CNGA1: variants seen among roughly 807,000 people sequenced by gnomAD.
CNGA1 encodes cyclic nucleotide-gated channel alpha-1.
A neutral mutation model predicts 69.7 loss-of-function variants in CNGA1; 53 were observed. The ratio of observed to expected loss-of-function variants is 0.76; its 90% CI spans 0.61 to 0.96. The LOEUF is 0.96. Among genes scored for constraint, CNGA1 ranks in the 40% least tolerant of loss-of-function variants. The probability of loss-of-function intolerance (pLI) is 0.00; values close to 1 mark genes in which losing one functional copy is unlikely to be tolerated. For synonymous variants in CNGA1, 249 were observed against 283.5 expected, an observed-to-expected ratio of 0.88 and a Z score of 1.22; for missense variants, 739 against 811.2, an observed-to-expected ratio of 0.91 and a Z score of 1.08.
intron 5 of CNGA1, among the ~76,000 whole-genome samples, chr4:47,950,381 G>A (rs1011428634): frequency 1.3e-5 from 2 of 152,190 alleles, no homozygotes; most frequent in African/African-American, 4.8e-5. Flanking sequence ...CCATGATTGT[G>A]AGGCCTCCCC....
chr4:47,958,042 G>A (rs553112145), intron 3 of CNGA1, among the ~76,000 whole-genome samples: 28 of 151,556 alleles, frequency 1.8e-4, no homozygotes, highest in Non-Finnish European at 3.4e-4. Flanking sequence ...CTACAGGTGC[G>A]TGCCACCACA....
In CNGA1 at chr4:47,940,884, A is replaced by AATGGGGGC; in HGVS notation, c.546-16_546-15insGCCCCCAT. 4 of 1,523,496 alleles carry AATGGGGGC rather than the reference A, an allele frequency of 2.6e-6. No individual in the cohort carries two copies. In the South Asian group the frequency reaches 4.6e-5, roughly 18 times the overall value. 94.4% of individuals were successfully genotyped at this position (1,523,496 alleles called of 1,614,324 possible). On this transcript the variant is annotated splice_polypyrimidine_tract_variant and intron_variant, in intron 9 of 10. Transcript: ENST00000514170. ...CAAAACATGCTCTATAAAAAAAGAA[A>AATGGGGGC]CACTTGTATAAATAAAAAAGAAATG... is the stretch of plus-strand genomic sequence containing the variant.
intron 3 of CNGA1, among the ~76,000 whole-genome samples, chr4:47,966,180 A>G (rs1057186618): frequency 6.6e-6 from 1 of 152,228 alleles, no homozygotes; most frequent in African/African-American, 2.4e-5. Context: ...CTGTGAATAC[A>G]TGGAACAGTA....
chr4:47,947,878 T>A (rs1739500235), intron 6 of CNGA1, among the ~76,000 whole-genome samples: 1 of 152,106 alleles, frequency 6.6e-6, no homozygotes, highest in Admixed American at 6.5e-5. Context: ...AAATCTTTGT[T>A]TTTATTTGTC....
chr4:47,986,218 G>C (rs1741972948), intron 2 of CNGA1, among the ~76,000 whole-genome samples: 1 of 152,108 alleles, frequency 6.6e-6, no homozygotes, highest in Non-Finnish European at 1.5e-5. Context: ...GACCAGCCTG[G>C]TCACTATGGT....
At chr4:47,973,931 A>G (rs112282330) in intron 3 of CNGA1, among the ~76,000 whole-genome samples, 3,018 of 152,170 alleles carry the variant, frequency 0.02, 126 homozygotes, top group African/African-American at 0.069. Context: ...GGTGGCTCAC[A>G]CCTGTAATCC....
At chr4:47,948,668 C>G (rs1370035416) in intron 6 of CNGA1, among the ~76,000 whole-genome samples, 1 of 152,168 alleles carries the variant, frequency 6.6e-6, no homozygotes, top group Non-Finnish European at 1.5e-5. Context: ...CCGTGATCAT[C>G]AGAAGTAGGC....
chr4:48,011,410 CAT>C (rs1354575085), intron 1 of CNGA1, among the ~76,000 whole-genome samples: 5 of 128,222 alleles, frequency 3.9e-5, no homozygotes, highest in Non-Finnish European at 6.8e-5. Flanking sequence ...CACATGCACA[CAT>C]ACACACACAC....
intron 6 of CNGA1, among the ~76,000 whole-genome samples, chr4:47,946,536 GCAC>G (rs1307899274): frequency 6.6e-6 from 1 of 152,158 alleles, no homozygotes; most frequent in Non-Finnish European, 1.5e-5. Flanking sequence ...ATTTCTCAGA[GCAC>G]CACATTAGTC....
At chr4:47,959,676 C>T (rs554048005) in intron 3 of CNGA1, among the ~76,000 whole-genome samples, 19 of 152,246 alleles carry the variant, frequency 1.2e-4, no homozygotes, top group Admixed American at 7.9e-4. Flanking sequence ...GGCGCCATCT[C>T]GGCTAACTGC....
chr4:48,009,481 AG>A lies in CNGA1; in HGVS notation c.-123+1312del, dbSNP rs1341772153. On this transcript the variant is annotated intron_variant, in intron 2 of 10. Transcript: ENST00000514170. ...GTCTGTCTCAAAAAAAAAAAAAAAA[AG>A]GACTTTACTTAAATCATGTAAACTT... Among the ~76,000 whole-genome samples, 19 of 150,456 alleles carry A rather than the reference AG, an allele frequency of 1.3e-4. 1 individual carries two copies. Among genetic ancestry groups the A allele is most frequent in the South Asian group, 6.3e-4 (3 of 4,770 alleles).
At chr4:48,001,647 A>G (rs1168370445) in intron 2 of CNGA1, among the ~76,000 whole-genome samples, 1 of 152,240 alleles carries the variant, frequency 6.6e-6, no homozygotes, top group South Asian at 2.1e-4. Flanking sequence ...AAACAAATTT[A>G]AAAATTGGCA....
chr4:47,999,119 A>AAG (rs1043491922), intron 2 of CNGA1, among the ~76,000 whole-genome samples: 2 of 145,362 alleles, frequency 1.4e-5, no homozygotes, highest in South Asian at 2.1e-4. Context: ...TTTTGAGAGA[A>AAG]AGAGAGAGAG....
intron 2 of CNGA1, among the ~76,000 whole-genome samples, chr4:47,996,826 G>A (rs776365732): frequency 9.9e-5 from 15 of 152,064 alleles, no homozygotes; most frequent in South Asian, 2.1e-4. Flanking sequence ...TTGGGAGGCC[G>A]AGGTGAGTGG....
intron 6 of CNGA1, among the ~76,000 whole-genome samples, chr4:47,944,287 G>A (rs1739266254): frequency 6.6e-6 from 1 of 152,192 alleles, no homozygotes; most frequent in South Asian, 2.1e-4. Flanking sequence ...TGACCCAACA[G>A]AAGTGGAAAG....
rs769046389 is a variant in CNGA1 at position 47,942,116 on chromosome 4, G to A, written c.470C>T (p.Ser157Leu). The change falls in exon 9 of 11, where the codon TCG (serine) becomes TTG (leucine). Residue 157 changes from serine (S) to leucine (L), a missense_variant. Transcript: ENST00000514170. ...CAGCCAGTTGTAATATGTGTTTCCCGAGGGATCAATAACCACAACTTCTTT... is the reference window on the plus strand; with the variant it reads ...CAGCCAGTTGTAATATGTGTTTCCCAAGGGATCAATAACCACAACTTCTTT... ...EKKEVVVIDP[S>L]GNTYYNWLFC... 10 of 1,613,424 alleles carry A rather than the reference G, an allele frequency of 6.2e-6. No individual in the cohort carries two copies. In the South Asian group the frequency reaches 6.6e-5, roughly 11 times the overall value.
chr4:47,962,890 T>C (rs1740531849), intron 3 of CNGA1, among the ~76,000 whole-genome samples: 2 of 152,188 alleles, frequency 1.3e-5, no homozygotes, highest in African/African-American at 4.8e-5. Context: ...ATATTATCTG[T>C]TTAAGCAAAC....
At chr4:47,981,087 C>T (rs896861450) in intron 3 of CNGA1, among the ~76,000 whole-genome samples, 15 of 152,100 alleles carry the variant, frequency 9.9e-5, no homozygotes, top group Non-Finnish European at 2.2e-4. Flanking sequence ...ATGACACTTC[C>T]TTTGGGGAAA....
In CNGA1 at chr4:47,937,204, CA is replaced by C. The variant is rs1194521620; in HGVS notation, c.1277del (p.Met426ArgfsTer25). 1 of 1,614,116 alleles carries C rather than the reference CA, an allele frequency of 6.2e-7. No individual in the cohort carries two copies. The highest frequency in any genetic ancestry group is 1.7e-5 in the Admixed American group (1 of 60,020). ...YMHFRNVSKD[M>X]EKRVIKWFDY... ...CAAACCATTTAATAACCCTCTTTTCCATATCTTTGCTTACATTTCGAAAATG... is the reference window on the plus strand; with the variant it reads ...CAAACCATTTAATAACCCTCTTTTCCTATCTTTGCTTACATTTCGAAAATG... On this transcript the variant is annotated frameshift_variant, in exon 11 of 11. Transcript: ENST00000514170. LOFTEE classifies it high-confidence loss of function.
Sources: allele counts gnomAD v4.1 joint callset (sites outside exome capture counted in the v4.1 genomes callset), GRCh38; gene constraint gnomAD v4.1.1; transcripts MANE v1.5; gene names NCBI Gene and HGNC (gene_info 2026-07-23, HGNC 2026-07-21).